The following KSR2 variants were observed in gnomAD, a reference collection of about 807,000 sequenced individuals.
KSR2 encodes kinase suppressor of ras 2.
Under a neutral mutation model 107.8 loss-of-function variants are expected in KSR2, and 25 were observed. The observed-to-expected ratio is 0.23, with a 90% CI of 0.17 to 0.32. The LOEUF is 0.32. KSR2 is among the 10% of genes least tolerant of loss of function. KSR2 has a pLI of 1.00. For missense variants in KSR2, 887 were observed against 1,268.9 expected, an observed-to-expected ratio of 0.70 and a Z score of 4.57; for synonymous variants, 480 against 507.0, an observed-to-expected ratio of 0.95 and a Z score of 0.71.
At position 117,824,643 on chromosome 12, in the gene KSR2, T is replaced by A. The variant is rs1302786605; in HGVS notation, c.472+30785A>T. On this transcript the variant is annotated intron_variant, in intron 3 of 19. Transcript: ENST00000339824. ...AGGCCGAGGCGGGCGGATCACGAGG[T>A]CAGGAGATCGAGACCATCCTGGCTA... is the stretch of plus-strand genomic sequence containing the variant. 2.0e-5 allele frequency among the ~76,000 whole-genome samples: 3 copies of A among 151,104 alleles called. No individual in the cohort carries two copies. In the East Asian group the frequency reaches 5.9e-4, roughly 30 times the overall value.
intron 5 of KSR2, among the ~76,000 whole-genome samples, chr12:117,663,369 A>G (rs1476845576): frequency 6.6e-6 from 1 of 152,230 alleles, no homozygotes; most frequent in Non-Finnish European, 1.5e-5. Context: ...CCTACCTTAT[A>G]GAGGATGATG....
chr12:117,761,422 C>T lies in KSR2; in HGVS notation c.575G>A (p.Arg192His), dbSNP rs766252967. The change falls in exon 4 of 20, where the codon CGC becomes CAC. Residue 192 changes from arginine to histidine, a missense_variant. By Grantham distance (29) the Arg-to-His change is conservative. Coordinates refer to ENST00000339824, the MANE Select transcript of KSR2 (RefSeq NM_173598.6). ...VCPPEPTPWI[R>H]THLSQSPRVP... The stretch of plus-strand genomic sequence containing the variant: ...CCTGGGGCTCTGGGAGAGATGGGTG[C>T]GGATCCACGGGGTGGGCTCCGGGGG... The T allele has an allele frequency of 2.5e-6, 4 of 1,611,654 alleles. No individual in the cohort carries two copies. Among genetic ancestry groups the T allele is most frequent in the East Asian group, 2.2e-5 (1 of 44,830 alleles).
chr12:117,950,120 C>T (rs1012152557), intron 1 of KSR2, among the ~76,000 whole-genome samples: 1 of 151,920 alleles, frequency 6.6e-6, no homozygotes. Context: ...ATTACAGGCA[C>T]GTACCACCAT....
chr12:117,555,289 T>C lies in KSR2; in HGVS notation c.1398A>G (p.Pro466=). 6.2e-7 allele frequency: 1 copy of C among 1,613,936 alleles called. No homozygotes were observed. The highest frequency in any genetic ancestry group is 8.5e-7 in the Non-Finnish European group (1 of 1,179,844). The part of the protein sequence containing the change: ...CHLLIIHRGD[P]ARLVRTESVP... ...CGGACTCTGTCCGGACTAACCTTGCTGGATCCGTAGGGGTAAAAACATTGA... is the reference window on the plus strand; with the variant it reads ...CGGACTCTGTCCGGACTAACCTTGCCGGATCCGTAGGGGTAAAAACATTGA... Residue 466 remains proline, a synonymous_variant, in exon 9 of 20, where the codon CCA becomes CCG. Coordinates refer to ENST00000339824, the MANE Select transcript of KSR2 (RefSeq NM_173598.6).
At chr12:117,571,331 G>A (rs1397922531) in intron 7 of KSR2, among the ~76,000 whole-genome samples, 2 of 152,188 alleles carry the variant, frequency 1.3e-5, no homozygotes, top group African/African-American at 2.4e-5. Flanking sequence ...AGGCATGGAT[G>A]TGGTTTCAGG....
intron 3 of KSR2, among the ~76,000 whole-genome samples, chr12:117,840,778 G>A (rs929174327): frequency 2.7e-5 from 4 of 149,980 alleles, no homozygotes; most frequent in South Asian, 2.2e-4. Flanking sequence ...CGAGGTGGGC[G>A]AATCACGAGG....
At chr12:117,538,162 G>C (rs557865463) in intron 10 of KSR2, among the ~76,000 whole-genome samples, 3 of 151,948 alleles carry the variant, frequency 2.0e-5, no homozygotes, top group Non-Finnish European at 4.4e-5. Context: ...TGGAGATGGC[G>C]GTGGGAGCCT....
At chr12:117,750,706 G>A (rs919155686) in intron 4 of KSR2, among the ~76,000 whole-genome samples, 12 of 84,406 alleles carry the variant, frequency 1.4e-4, no homozygotes, top group African/African-American at 5.9e-4. Context: ...CTATCTTTAT[G>A]TGCATGTGTA....
rs549084167 is a variant in KSR2, at chr12:117,897,492, A to G, written c.181-37061T>C. On this transcript the variant is annotated intron_variant, in intron 1 of 19. Transcript: ENST00000339824. This position sits in a 1 kb window ranked among gnomAD's most constrained non-coding sequence, Gnocchi z 4.5. ...GCATCCAAAAATATAATCAAAGCTTACTGGTGTCTCCTGTGATTCCCAGGA... is the reference window on the plus strand; with the variant it reads ...GCATCCAAAAATATAATCAAAGCTTGCTGGTGTCTCCTGTGATTCCCAGGA... 2.6e-5 allele frequency among the ~76,000 whole-genome samples: 4 copies of G among 152,272 alleles called. No homozygotes were observed. The highest frequency in any genetic ancestry group is 9.6e-5 in the African/African-American group (4 of 41,568).
At chr12:117,695,474 G>C (rs1022896589) in intron 4 of KSR2, among the ~76,000 whole-genome samples, 2 of 151,782 alleles carry the variant, frequency 1.3e-5, no homozygotes, top group Non-Finnish European at 1.5e-5. Context: ...GGGAGGCCAA[G>C]GTGGGTGGAT....
chr12:117,862,642 C>T (rs1893339426), intron 1 of KSR2, among the ~76,000 whole-genome samples: 1 of 152,132 alleles, frequency 6.6e-6, no homozygotes, highest in African/African-American at 2.4e-5. Flanking sequence ...GAGACCATCA[C>T]TCAAAACAAA....
chr12:117,559,288 T>C (rs1391347890), intron 7 of KSR2, among the ~76,000 whole-genome samples: 2 of 152,178 alleles, frequency 1.3e-5, no homozygotes, highest in East Asian at 3.9e-4. Flanking sequence ...CAAGAATGGA[T>C]GGCAGCTGTT....
chr12:117,550,716 C>T (rs4767563), intron 9 of KSR2, among the ~76,000 whole-genome samples: 115,758 of 152,066 alleles, frequency 0.76, 44,291 homozygotes, highest in Admixed American at 0.83. Flanking sequence ...GAAGCAATGA[C>T]AGAGGAAAGA....
intron 3 of KSR2, among the ~76,000 whole-genome samples, chr12:117,793,077 C>T (rs1173163871): frequency 2.0e-5 from 3 of 149,100 alleles, no homozygotes; most frequent in Admixed American, 6.7e-5. Context: ...AACAGGCACA[C>T]ACTCTCACAC....
At chr12:117,672,620 A>G (rs1884956537) in intron 4 of KSR2, among the ~76,000 whole-genome samples, 1 of 152,064 alleles carries the variant, frequency 6.6e-6, no homozygotes. Context: ...CACCCGAAAT[A>G]TCCAACAAAC....
chr12:117,884,976 G>A (rs1052476777), intron 1 of KSR2, among the ~76,000 whole-genome samples: 5 of 152,138 alleles, frequency 3.3e-5, no homozygotes, highest in African/African-American at 4.8e-5. Flanking sequence ...CCACCGACAC[G>A]CAGCAGGTAA....
chr12:117,498,634 C>T (rs1260493438), intron 14 of KSR2, among the ~76,000 whole-genome samples: 3 of 152,124 alleles, frequency 2.0e-5, no homozygotes, highest in Non-Finnish European at 2.9e-5. Context: ...CCCACCCAAA[C>T]CTCATCTTGA....
At chr12:117,645,312 A>G (rs76472479) in intron 5 of KSR2, among the ~76,000 whole-genome samples, 4,695 of 152,192 alleles carry the variant, frequency 0.031, 244 homozygotes, top group African/African-American at 0.11. Context: ...TTTTTAGTAC[A>G]TGAACCATCA....
chr12:117,892,361 A>G (rs556445632), intron 1 of KSR2, among the ~76,000 whole-genome samples: 2 of 152,252 alleles, frequency 1.3e-5, no homozygotes, highest in Non-Finnish European at 1.5e-5. Context: ...TGTCTTTCTC[A>G]TTTGTCCTTA....
Sources: gnomAD v4.1 joint callset for allele counts (sites outside exome capture counted in the v4.1 genomes callset) on GRCh38, gnomAD v4.1.1 for gene constraint, Gnocchi (gnomAD v3.1) non-coding constraint, MANE v1.5 for transcripts, NCBI Gene and HGNC (gene_info 2026-07-23, HGNC 2026-07-21) for gene names.